The following BRWD3 variants were observed in gnomAD, a reference collection of about 807,000 sequenced individuals.
The protein encoded by BRWD3 is bromodomain and WD repeat domain containing 3, also known as bromodomain and WD repeat-containing protein 3.
Under a neutral mutation model 149.7 loss-of-function variants are expected in BRWD3, and 10 were observed. The observed-to-expected ratio is 0.07, with a 90% CI of 0.04 to 0.11. The LOEUF (loss-of-function observed/expected upper bound fraction) is 0.11, where lower values mean the gene tolerates loss of function less well. BRWD3 is among the 10% of genes least tolerant of loss of function. BRWD3 has a pLI of 1.00. For synonymous variants in BRWD3, 504 were observed against 456.7 expected (o/e 1.10, Z -1.32); for missense variants, 940 against 1,373.2 (o/e 0.68, Z 4.99).
chrX:80,786,757 G>A (rs757778693), intron 6 of BRWD3, among the ~76,000 whole-genome samples: 2 of 111,666 alleles, frequency 1.8e-5, no homozygotes, highest in South Asian at 3.7e-4. Flanking sequence ...TGATGTGCCC[G>A]TCTCGGCCTC....
At chrX:80,725,977 T>C (rs936391105) in intron 14 of BRWD3, among the ~76,000 whole-genome samples, 7 of 105,325 alleles carry the variant, frequency 6.6e-5, no homozygotes, top group Non-Finnish European at 1.4e-4. Context: ...TGTTTACATG[T>C]TATATGTCTA....
intron 4 of BRWD3, 47 bp from the exon 5 acceptor site, chrX:80,793,819 T>C (rs1602444646): frequency 1.3e-5 from 14 of 1,082,053 alleles, no homozygotes; most frequent in Non-Finnish European, 1.8e-5. Flanking sequence ...TTATTTGGTT[T>C]AAAAATATAA....
chrX:80,733,315 T>C (rs2073360035), intron 12 of BRWD3, 141 bp downstream of exon 12: 6 of 446,913 alleles, frequency 1.3e-5, no homozygotes, highest in Non-Finnish European at 2.3e-5. Context: ...TGGCTAAGGA[T>C]GTCATCAAAG....
At chrX:80,709,712 A>G in intron 20 of BRWD3, 135 bp from the exon 21 acceptor site, 1 of 523,178 alleles carries the variant, frequency 1.9e-6, no homozygotes, top group Non-Finnish European at 3.1e-6. Flanking sequence ...TAAAGTCAAC[A>G]TAGAACTATA....
intron 35 of BRWD3, 57 bp from the exon 36 acceptor site, chrX:80,685,593 C>T (rs1364627128): frequency 1.1e-5 from 10 of 905,510 alleles, no homozygotes; most frequent in African/African-American, 2.0e-5. Context: ...AATATCAAGA[C>T]GTGTAATACA....
intron 27 of BRWD3, among the ~76,000 whole-genome samples, chrX:80,694,008 G>A (rs1424058816): frequency 1.8e-5 from 2 of 111,178 alleles, no homozygotes; most frequent in Admixed American, 1.9e-4. Context: ...GCTCTTCAAG[G>A]CAGCCCCTCC....
chrX:80,768,127 G>T (rs777163840), intron 6 of BRWD3, among the ~76,000 whole-genome samples: 2 of 111,935 alleles, frequency 1.8e-5, no homozygotes, highest in Non-Finnish European at 3.8e-5. Flanking sequence ...AAGTGACAGG[G>T]AGAATGGAAT....
At chrX:80,747,225 G>A (rs775567338) in intron 6 of BRWD3, among the ~76,000 whole-genome samples, 2 of 109,200 alleles carry the variant, frequency 1.8e-5, no homozygotes, top group Non-Finnish European at 3.8e-5. Context: ...TTCATACTTT[G>A]CAGGTAGATG....
At chrX:80,688,047 A>G (rs370653262) in intron 34 of BRWD3, 22 bp downstream of exon 34, 1 of 1,160,371 alleles carries the variant, frequency 8.6e-7, no homozygotes, top group Non-Finnish European at 1.2e-6. Flanking sequence ...ATATCTCCTC[A>G]GCAGTTCACT....
At chrX:80,733,317 T>C in intron 12 of BRWD3, 139 bp downstream of exon 12, 1 of 451,223 alleles carries the variant, frequency 2.2e-6, no homozygotes, top group Non-Finnish European at 3.8e-6. Context: ...GCTAAGGATG[T>C]CATCAAAGAC....
Position 80,809,420 on chromosome X carries a change from C to A in BRWD3, c.31+21G>T, listed in dbSNP as rs768372693. 3.7e-4 allele frequency: 408 copies of A among 1,117,027 alleles called. 3 individuals carry two copies. In the South Asian group the frequency reaches 7.4e-3, roughly 20 times the overall value. 92.1% of individuals were successfully genotyped at this position (1,117,027 alleles called of 1,213,427 possible). A position where few individuals can be genotyped will look rare whatever the true frequency, so the allele number is the denominator to read the frequency against. ...CCCCCATTCCCTTAGCACCCCCCCACCCCCCGACACAGCTACCCACCGGCT... is the reference window on the plus strand; with the variant it reads ...CCCCCATTCCCTTAGCACCCCCCCAACCCCCGACACAGCTACCCACCGGCT... On this transcript the variant is annotated intron_variant, in intron 1 of 40. Transcript: ENST00000373275.
At chrX:80,677,416 G>A in intron 40 of BRWD3, 53 bp from the exon 41 acceptor site, 1 of 1,156,884 alleles carries the variant, frequency 8.6e-7, no homozygotes. Flanking sequence ...TGACAAAATG[G>A]TTATTTAGGT....
intron 6 of BRWD3, among the ~76,000 whole-genome samples, chrX:80,756,327 C>A (rs1273086744): frequency 2.8e-5 from 3 of 108,351 alleles, no homozygotes; most frequent in African/African-American, 1.0e-4. Flanking sequence ...CATGGAGAAA[C>A]CCCGTCTCTA....
At chrX:80,731,778 C>T (rs2073334854) in intron 12 of BRWD3, among the ~76,000 whole-genome samples, 1 of 107,073 alleles carries the variant, frequency 9.3e-6, no homozygotes, top group Non-Finnish European at 1.9e-5. Context: ...GCCTGTAGTC[C>T]CAGCTACTTG....
Position 80,674,895 on chromosome X carries a change from A to C in BRWD3, c.*1714T>G, listed in dbSNP as rs1007442811. The C allele has an allele frequency of 5.4e-5, 6 of 111,926 alleles. No individual in the cohort carries two copies. The highest frequency in any genetic ancestry group is 1.9e-4 in the African/African-American group (6 of 30,850). 9.2% of individuals were successfully genotyped at this position (111,926 alleles called of 1,213,427 possible). On this transcript the variant is annotated 3_prime_UTR_variant, in exon 41 of 41. Coordinates refer to ENST00000373275, the MANE Select transcript of BRWD3 (RefSeq NM_153252.5). ...GTGTGTACGCCTTCCTCTGCACTTA[A>C]GGGTTTTCAGATGCATGAAATGATT...
intron 6 of BRWD3, among the ~76,000 whole-genome samples, chrX:80,774,153 C>T (rs1275833421): frequency 8.9e-6 from 1 of 111,927 alleles, no homozygotes; most frequent in East Asian, 2.8e-4. Context: ...TCTGATTCCC[C>T]CTGCCTCTCT....
At chrX:80,710,499 AAG>A in intron 20 of BRWD3, 4 of 393,403 alleles carry the variant, frequency 1.0e-5, no homozygotes, top group Admixed American at 5.8e-5. Context: ...TGCATGCCTG[AAG>A]AGAGACAATT....
intron 8 of BRWD3, among the ~76,000 whole-genome samples, chrX:80,737,952 C>T (rs2073427244): frequency 8.9e-6 from 1 of 112,535 alleles, no homozygotes; most frequent in African/African-American, 3.2e-5. Flanking sequence ...AACACAGTCG[C>T]CTTACACTGT....
Position 80,745,693 on chromosome X carries a change from C to A in BRWD3, c.467G>T (p.Ser156Ile). The A allele has an allele frequency of 8.3e-7, 1 of 1,208,817 alleles. No individual in the cohort carries two copies. The highest frequency in any genetic ancestry group is 1.1e-6 in the Non-Finnish European group (1 of 893,949). Residue 156 changes from serine (S) to isoleucine (I), a missense_variant, in exon 7 of 41, where the codon AGT (serine) becomes ATT (isoleucine). By Grantham distance (142) the Ser-to-Ile change is moderately radical (BLOSUM62 -2). This residue lies in a region of BRWD3 where 105 missense variants were observed against 127.7 expected (regional missense o/e 0.82). Transcript: ENST00000373275. ...ITSARQLTGC[S>I]RFGHIFPSSA... ...TGAAGGGAAAATATGACCAAAGCGA[C>A]TACAGCCGGTTAATTGCCTGGCAGA...
Sources: allele counts gnomAD v4.1 joint callset (sites outside exome capture counted in the v4.1 genomes callset), GRCh38; gene constraint gnomAD v4.1.1; regional missense constraint gnomAD v4.1.1; transcripts MANE v1.5; gene names NCBI Gene and HGNC (gene_info 2026-07-23, HGNC 2026-07-21).